Variants in LNPEP observed in about 807,000 individuals in gnomAD.
The protein encoded by LNPEP is leucyl-cystinyl aminopeptidase.
A neutral mutation model predicts 120.6 loss-of-function variants in LNPEP; 64 were observed. That is an observed-to-expected ratio of 0.53 (90% CI 0.43 to 0.65). The LOEUF (loss-of-function observed/expected upper bound fraction) is 0.65. Ranked by LOEUF, LNPEP falls within the 30% of genes least tolerant of loss-of-function variation. The probability of loss-of-function intolerance (pLI) is 0.00; values close to 1 mark genes in which losing one functional copy is unlikely to be tolerated. For synonymous variants in LNPEP, 435 were observed against 425.4 expected (o/e 1.02, Z -0.28); for missense variants, 1,057 against 1,200.0 (o/e 0.88, Z 1.76).
chr5:96,990,783 C>G (rs1200444458), intron 4 of LNPEP, among the ~76,000 whole-genome samples: 1 of 152,168 alleles, frequency 6.6e-6, no homozygotes, highest in Non-Finnish European at 1.5e-5. Context: ...CTTAAACATT[C>G]TATATTGTTT....
At chr5:97,001,407 T>C (rs1189881564) in intron 8 of LNPEP, among the ~76,000 whole-genome samples, 2 of 152,058 alleles carry the variant, frequency 1.3e-5, no homozygotes, top group Non-Finnish European at 2.9e-5. Flanking sequence ...TAGAAGTAGG[T>C]TTAGGGAAAG....
chr5:97,010,427 C>T, intron 11 of LNPEP: 1 of 984,900 alleles, frequency 1.0e-6, no homozygotes, highest in Non-Finnish European at 1.2e-6. Context: ...TCTGCTCTTG[C>T]CTTTTTTTCC....
At chr5:97,004,213 C>T (rs773988839) in intron 9 of LNPEP, among the ~76,000 whole-genome samples, 1 of 152,174 alleles carries the variant, frequency 6.6e-6, no homozygotes, top group Non-Finnish European at 1.5e-5. Context: ...GGTCATAATA[C>T]TTTGAAAGAT....
At position 97,015,095 on chromosome 5, in the gene LNPEP, G is replaced by A. The variant is rs539258616; in HGVS notation, c.2376G>A (p.Val792=). The change falls in exon 13 of 18, where the codon GTG becomes GTA. Residue 792 remains valine, a splice_region_variant and synonymous_variant. Transcript: ENST00000231368. The part of the protein sequence containing the change: ...LGYMDLASRL[V]TRVFKLLQNQ... ...ACATGGATCTGGCCTCAAGACTGGT[G>A]GTAAGTCTGCCTTTTTGCCAGCTTC... The A allele has an allele frequency of 4.6e-6, 7 of 1,532,064 alleles. No homozygotes were observed. The highest frequency in any genetic ancestry group is 2.1e-5 in the Admixed American group (1 of 47,458). 94.9% of individuals were successfully genotyped at this position (1,532,064 alleles called of 1,614,324 possible). A position where few individuals can be genotyped will look rare whatever the true frequency, so the allele number is the denominator to read the frequency against.
In LNPEP at chr5:97,026,539, T is replaced by C. The variant is rs570618072; in HGVS notation, c.2724-78T>C. 5 of 1,146,180 alleles carry C rather than the reference T, an allele frequency of 4.4e-6. No homozygotes were observed. In the East Asian group the frequency reaches 7.2e-5, roughly 16 times the overall value. The allele number at this position is 1,146,180 out of a possible 1,614,324, so 71.0% of individuals were successfully genotyped here. A position where few individuals can be genotyped will look rare whatever the true frequency, so the allele number is the denominator to read the frequency against. ...CTACACAGCTTTAATTAGGAAACCA[T>C]ACTAATTTTAATTTAAGTTCAGTCA... On this transcript the variant is annotated intron_variant, in intron 15 of 17. Coordinates refer to ENST00000231368, the MANE Select transcript of LNPEP (RefSeq NM_005575.3).
intron 11 of LNPEP, chr5:97,011,297 C>A: frequency 1.7e-6 from 1 of 589,286 alleles, no homozygotes; most frequent in Non-Finnish European, 2.1e-6. Flanking sequence ...ATGATCATAG[C>A]TCACTGCAGC....
At chr5:97,010,571 A>C (rs1055650596) in intron 11 of LNPEP, 2 of 985,098 alleles carry the variant, frequency 2.0e-6, no homozygotes, top group Non-Finnish European at 1.2e-6. Flanking sequence ...TGTAGTAAAA[A>C]CGGGTTTTTT....
At chr5:96,997,356 TA>T (rs959349023) in intron 7 of LNPEP, among the ~76,000 whole-genome samples, 2 of 152,092 alleles carry the variant, frequency 1.3e-5, no homozygotes, top group African/African-American at 4.8e-5. Flanking sequence ...TAATTGATGT[TA>T]ATTAATATCA....
At chr5:96,975,747 T>G (rs574011925) in intron 1 of LNPEP, among the ~76,000 whole-genome samples, 19 of 152,326 alleles carry the variant, frequency 1.2e-4, no homozygotes, top group South Asian at 4.1e-4. Context: ...TAAAAATTAC[T>G]CTGTCAAATT....
At chr5:96,977,931 C>T (rs1332949859) in intron 1 of LNPEP, among the ~76,000 whole-genome samples, 5 of 151,996 alleles carry the variant, frequency 3.3e-5, no homozygotes, top group Non-Finnish European at 5.9e-5. Flanking sequence ...ATTTTTAGAC[C>T]TGTGCTTTAA....
intron 9 of LNPEP, among the ~76,000 whole-genome samples, chr5:97,005,190 G>A (rs1239498396): frequency 2.0e-5 from 3 of 152,164 alleles, no homozygotes; most frequent in Non-Finnish European, 4.4e-5. Flanking sequence ...TGGGCATATG[G>A]TGATTGAGGT....
intron 1 of LNPEP, among the ~76,000 whole-genome samples, chr5:96,957,412 T>C (rs1283366744): frequency 6.6e-6 from 1 of 152,224 alleles, no homozygotes; most frequent in Non-Finnish European, 1.5e-5. Context: ...GCCTTGGTAA[T>C]ATTTTAGGTT....
At chr5:96,988,232 T>G (rs896720183) in intron 4 of LNPEP, among the ~76,000 whole-genome samples, 3 of 152,132 alleles carry the variant, frequency 2.0e-5, no homozygotes, top group Non-Finnish European at 2.9e-5. Flanking sequence ...GATTCATCAT[T>G]TGATAATCAA....
chr5:97,030,605 CCTCTCTCT>C lies in LNPEP; in HGVS notation c.*2081_*2088del, dbSNP rs1199784368. Reference sequence around the variant, plus strand: ...TGTCTTGAATTATATCATTTCTCTCCCTCTCTCTCTCTCTCTGTGTGTGTGTGTGTGTG... The same window carrying C: ...TGTCTTGAATTATATCATTTCTCTCCCTCTCTCTGTGTGTGTGTGTGTGTG... On this transcript the variant is annotated 3_prime_UTR_variant, in exon 18 of 18. Coordinates refer to ENST00000231368, the MANE Select transcript of LNPEP (RefSeq NM_005575.3). 7.9e-6 allele frequency: 1 copy of C among 127,282 alleles called. No homozygotes were observed. Among genetic ancestry groups the C allele is most frequent in the South Asian group, 2.8e-4 (1 of 3,556 alleles). 7.9% of individuals were successfully genotyped at this position (127,282 alleles called of 1,614,324 possible).
intron 1 of LNPEP, among the ~76,000 whole-genome samples, chr5:96,956,926 G>A (rs1210421757): frequency 1.3e-5 from 2 of 151,474 alleles, no homozygotes; most frequent in African/African-American, 4.9e-5. Flanking sequence ...TGCTCTTCAG[G>A]CCATTCAGTG....
rs944567378 is a variant in LNPEP at position 97,033,622 on chromosome 5, A to G, written c.*5089A>G. The G allele has an allele frequency of 6.6e-6, 1 of 152,130 alleles. No homozygotes were observed. Among genetic ancestry groups the G allele is most frequent in the African/African-American group, 2.4e-5 (1 of 41,422 alleles). 9.4% of individuals were successfully genotyped at this position (152,130 alleles called of 1,614,324 possible). ...CTTTCTTACCTTGTCCTTTACATGG[A>G]TATATGAAGAAAATTGAGGTTCAGC... On this transcript the variant is annotated 3_prime_UTR_variant, in exon 18 of 18. Transcript: ENST00000231368.
At chr5:96,950,165 T>C (rs1789289774) in intron 1 of LNPEP, among the ~76,000 whole-genome samples, 1 of 152,218 alleles carries the variant, frequency 6.6e-6, no homozygotes, top group South Asian at 2.1e-4. Flanking sequence ...AGGAAGATGA[T>C]GTGGAGGGAA....
rs1789399096 is a variant in LNPEP at position 96,954,625 on chromosome 5, T to TATAC, written c.19+18454_19+18455insCATA. ...CTCTCTCTCTCTCTCTCTCTATATA[T>TATAC]ATATATACATATATACATATATACA... is the stretch of plus-strand genomic sequence containing the variant. On this transcript the variant is annotated intron_variant, in intron 1 of 17. Transcript: ENST00000231368. 2.7e-4 allele frequency among the ~76,000 whole-genome samples: 33 copies of TATAC among 121,366 alleles called. 3 individuals carry two copies. The highest frequency in any genetic ancestry group is 9.9e-4 in the African/African-American group (32 of 32,238). The allele number at this position is 121,366 out of a possible 152,430, so 79.6% of individuals were successfully genotyped here. A position where few individuals can be genotyped will look rare whatever the true frequency, so the allele number is the denominator to read the frequency against.
chr5:96,978,762 G>C (rs1275576790), intron 1 of LNPEP, among the ~76,000 whole-genome samples: 1 of 152,176 alleles, frequency 6.6e-6, no homozygotes, highest in Non-Finnish European at 1.5e-5. Flanking sequence ...TCCTCGCCTG[G>C]TGGGGACAGA....
Sources: gnomAD v4.1 joint callset for allele counts (sites outside exome capture counted in the v4.1 genomes callset) on GRCh38, gnomAD v4.1.1 for gene constraint, MANE v1.5 for transcripts, NCBI Gene and HGNC (gene_info 2026-07-23, HGNC 2026-07-21) for gene names.